The following MYO9B variants were observed in gnomAD, a reference collection of about 807,000 sequenced individuals.
MYO9B encodes the protein unconventional myosin-IXb.
A neutral mutation model predicts 229.5 loss-of-function variants in MYO9B; 71 were observed. The observed-to-expected ratio is 0.31, with a 90% CI of 0.26 to 0.38. MYO9B has a LOEUF of 0.38. MYO9B is among the 10% of genes least tolerant of loss of function. The pLI is 1.00. For missense variants in MYO9B, 2,255 were observed against 2,920.5 expected, an observed-to-expected ratio of 0.77 and a Z score of 5.25; for synonymous variants, 1,185 against 1,235.8, an observed-to-expected ratio of 0.96 and a Z score of 0.86.
intron 19 of MYO9B, among the ~76,000 whole-genome samples, chr19:17,189,268 A>G (rs1480391189): frequency 6.6e-6 from 1 of 152,090 alleles, no homozygotes; most frequent in African/African-American, 2.4e-5. Flanking sequence ...TTGAGGCTAC[A>G]GTGAGTTATG....
At chr19:17,199,245 G>A (rs1354384086) in intron 24 of MYO9B, among the ~76,000 whole-genome samples, 10 of 151,860 alleles carry the variant, frequency 6.6e-5, no homozygotes, top group Admixed American at 3.9e-4. Context: ...TGAGCTAGGC[G>A]CATGGCTTGT....
In MYO9B at chr19:17,162,824, A is replaced by C. The variant is rs556311962; in HGVS notation, c.1537-164A>C. Among the ~76,000 whole-genome samples, 4 of 151,764 alleles carry C rather than the reference A, an allele frequency of 2.6e-5. No homozygotes were observed. In the South Asian group the frequency reaches 8.3e-4, roughly 32 times the overall value. On this transcript the variant is annotated intron_variant, in intron 9 of 39. Transcript: ENST00000682292. ...GGCAACAGAGCAAGACCCCATCTCC[A>C]AAAAAAAATTATGGATTCCATGCTG...
At chr19:17,142,000 G>C (rs1348700808) in intron 2 of MYO9B, among the ~76,000 whole-genome samples, 1 of 152,052 alleles carries the variant, frequency 6.6e-6, no homozygotes, top group Non-Finnish European at 1.5e-5. Context: ...AACTTAGAGA[G>C]ATGCGGTCTC....
intron 5 of MYO9B, 75 bp downstream of exon 5, chr19:17,154,141 G>A (rs746367972): frequency 6.1e-6 from 9 of 1,469,864 alleles, no homozygotes; most frequent in African/African-American, 1.4e-5. Flanking sequence ...TAGCCGGGAA[G>A]TCAGAGGCAG....
chr19:17,159,590 G>C (rs2072575761), intron 8 of MYO9B, 106 bp downstream of exon 8: 2 of 1,010,216 alleles, frequency 2.0e-6, no homozygotes, highest in African/African-American at 1.6e-5. Flanking sequence ...CTGAATGCTA[G>C]AATGGAACCT....
Position 17,127,824 on chromosome 19 carries a change from G to A in MYO9B, c.841-17573G>A, listed in dbSNP as rs141031062. Among the ~76,000 whole-genome samples, 106 of 152,326 alleles carry A rather than the reference G, an allele frequency of 7.0e-4. 1 individual carries two copies. The highest frequency in any genetic ancestry group is 3.4e-3 in the Middle Eastern group (1 of 294). On this transcript the variant is annotated intron_variant, in intron 2 of 39. Transcript: ENST00000682292. ...ACATTGGCAGAGCTGAGCGGTGACA[G>A]CAGATGGAGCCAAAAATATTCACCA...
chr19:17,100,422 G>A (rs1257316272), intron 1 of MYO9B, among the ~76,000 whole-genome samples: 1 of 151,980 alleles, frequency 6.6e-6, no homozygotes, highest in Admixed American at 6.6e-5. Flanking sequence ...GCAGTGAGCC[G>A]AGATCACACC....
intron 11 of MYO9B, among the ~76,000 whole-genome samples, chr19:17,171,505 G>A (rs1162939072): frequency 6.6e-6 from 1 of 152,178 alleles, no homozygotes; most frequent in Non-Finnish European, 1.5e-5. Context: ...AGCTGCCTAC[G>A]ATGGGTAACA....
intron 21 of MYO9B, 79 bp from the exon 22 acceptor site, chr19:17,194,477 G>A: frequency 1.3e-6 from 2 of 1,498,904 alleles, no homozygotes; most frequent in South Asian, 1.2e-5. Flanking sequence ...CCCGCAGGCT[G>A]GGGGTCCCAT....
chr19:17,105,045 C>G (rs974239854), intron 2 of MYO9B, among the ~76,000 whole-genome samples: 4 of 152,030 alleles, frequency 2.6e-5, no homozygotes, highest in African/African-American at 9.7e-5. Context: ...TCCATGCTCC[C>G]CCTGTTCATC....
chr19:17,176,174 C>T (rs2072786952), intron 14 of MYO9B, among the ~76,000 whole-genome samples: 1 of 152,128 alleles, frequency 6.6e-6, no homozygotes, highest in Non-Finnish European at 1.5e-5. Flanking sequence ...GGACTACAGG[C>T]ACCCGCCACC....
Position 17,204,890 on chromosome 19 carries a change from G to A in MYO9B, c.4991-373G>A, listed in dbSNP as rs890219600. 3.3e-5 allele frequency among the ~76,000 whole-genome samples: 5 copies of A among 152,116 alleles called. No homozygotes were observed. In the East Asian group the frequency reaches 5.8e-4, roughly 18 times the overall value. ...ATCCAGGCCAGGTGCAGTGGCTTACGCCTCTAATCCCAACACTTTGGGAGG... is the reference window on the plus strand; with the variant it reads ...ATCCAGGCCAGGTGCAGTGGCTTACACCTCTAATCCCAACACTTTGGGAGG... On this transcript the variant is annotated intron_variant, in intron 30 of 39. Coordinates refer to ENST00000682292, the MANE Select transcript of MYO9B (RefSeq NM_004145.4).
rs369698985 is a variant in MYO9B, at chr19:17,210,790, G to T, written c.5872G>T (p.Asp1958Tyr). 1 of 1,590,288 alleles carries T rather than the reference G, an allele frequency of 6.3e-7. No homozygotes were observed. The highest frequency in any genetic ancestry group is 2.3e-5 in the East Asian group (1 of 43,510). Residue 1958 changes from aspartate to tyrosine, a missense_variant, in exon 38 of 40, where the codon GAT becomes TAT. Asp to Tyr is a radical substitution (Grantham distance 160). Coordinates refer to ENST00000682292, the MANE Select transcript of MYO9B (RefSeq NM_004145.4). ...GCTGGAGGAGGAGGCAGCCGGCGGC[G>T]ATGAGGACCGGGAAAAGGAGATTCT... ...VLLEEEAAGG[D>Y]EDREKEILIE...
At position 17,159,504 on chromosome 19, in the gene MYO9B, T is replaced by C; in HGVS notation, c.1419+20T>C. ...AGCGAGGTGAGCTCTGCCCAGGCAC[T>C]CACAGGGTGCCAGATCCCAAAAACC... On this transcript the variant is annotated intron_variant, in intron 8 of 39. Transcript: ENST00000682292. 6.3e-7 allele frequency: 1 copy of C among 1,592,628 alleles called. No homozygotes were observed.
At position 17,194,920 on chromosome 19, in the gene MYO9B, C is replaced by T. The variant is rs746851910; in HGVS notation, c.3493C>T (p.His1165Tyr). 3.7e-5 allele frequency: 59 copies of T among 1,613,358 alleles called. No individual in the cohort carries two copies. The highest frequency in any genetic ancestry group is 4.6e-5 in the Non-Finnish European group (54 of 1,179,904). ...GLEHVKFQNK[H>Y]IQSCKEESAL... is the part of the protein sequence containing the mutation. ...GGAGCACGTCAAGTTCCAGAACAAACACATCCAGTCCTGCAAGGAGGAGAG... is the reference window on the plus strand; with the variant it reads ...GGAGCACGTCAAGTTCCAGAACAAATACATCCAGTCCTGCAAGGAGGAGAG... The change falls in exon 22 of 40, where the codon CAC (histidine) becomes TAC (tyrosine). Residue 1165 changes from histidine to tyrosine, a missense_variant. Transcript: ENST00000682292.
chr19:17,082,728 C>T (rs2057544517), intron 1 of MYO9B, among the ~76,000 whole-genome samples: 1 of 152,020 alleles, frequency 6.6e-6, no homozygotes, highest in South Asian at 2.1e-4. Flanking sequence ...ACAAGAGAGG[C>T]GGAGAAAGTG....
chr19:17,203,302 C>A, intron 30 of MYO9B, 44 bp downstream of exon 30: 1 of 1,413,080 alleles, frequency 7.1e-7, no homozygotes, highest in Non-Finnish European at 9.7e-7. Flanking sequence ...CCATGTCCCC[C>A]ACCACCCCTC....
At chr19:17,185,546 C>CAA (rs556058505) in intron 17 of MYO9B, among the ~76,000 whole-genome samples, 2,326 of 118,134 alleles carry the variant, frequency 0.02, 64 homozygotes, top group African/African-American at 0.072. Flanking sequence ...GACTGCGTCT[C>CAA]AAAAAAAAAA....
At chr19:17,164,512 C>G (rs2072638470) in intron 10 of MYO9B, among the ~76,000 whole-genome samples, 1 of 151,964 alleles carries the variant, frequency 6.6e-6, no homozygotes, top group African/African-American at 2.4e-5. Context: ...TCCCGAGTAG[C>G]TGGGACTACA....
Sources: allele counts gnomAD v4.1 joint callset (sites outside exome capture counted in the v4.1 genomes callset), GRCh38; gene constraint gnomAD v4.1.1; transcripts MANE v1.5; gene names NCBI Gene and HGNC (gene_info 2026-07-23, HGNC 2026-07-21).